SEPTIN11: variants seen among roughly 807,000 people sequenced by gnomAD.
SEPTIN11 encodes septin 11.
In SEPTIN11, 25 loss-of-function variants were observed where a neutral mutation model predicts 51.4. That is an observed-to-expected ratio of 0.49 (90% confidence interval 0.35 to 0.68). The LOEUF (loss-of-function observed/expected upper bound fraction) is 0.68, where lower values mean the gene tolerates loss of function less well. Ranked by LOEUF, SEPTIN11 falls within the 30% of genes least tolerant of loss-of-function variation. The pLI is 0.00. For missense variants in SEPTIN11, 381 were observed against 520.8 expected (o/e 0.73, Z 2.61); for synonymous variants, 174 against 184.1 (o/e 0.95, Z 0.44).
chr4:77,011,849 C>G lies in SEPTIN11; in HGVS notation c.453C>G (p.Leu151=). Reference sequence around the variant, plus strand: ...ATGACACGAGGATCCATGCCTGCCTCTACTTTATTGCCCCTACTGGACATT... The same window carrying G: ...ATGACACGAGGATCCATGCCTGCCTGTACTTTATTGCCCCTACTGGACATT... ...NYHDTRIHAC[L]YFIAPTGHSL... Residue 151 remains leucine (L), a synonymous_variant, in exon 4 of 10, where the codon CTC becomes CTG. Coordinates refer to ENST00000264893, the MANE Select transcript of SEPTIN11 (RefSeq NM_018243.4). 3.7e-6 allele frequency: 6 copies of G among 1,614,104 alleles called. No homozygotes were observed. The highest frequency in any genetic ancestry group is 5.1e-6 in the Non-Finnish European group (6 of 1,179,966).
intron 1 of SEPTIN11, among the ~76,000 whole-genome samples, chr4:76,954,727 C>T (rs559407483): frequency 3.9e-4 from 60 of 152,352 alleles, no homozygotes; most frequent in African/African-American, 1.4e-3. Flanking sequence ...ACCAGAGCCA[C>T]CTCTTTTTAG....
At chr4:76,967,297 A>G (rs1722073204) in intron 1 of SEPTIN11, among the ~76,000 whole-genome samples, 1 of 152,238 alleles carries the variant, frequency 6.6e-6, no homozygotes, top group Non-Finnish European at 1.5e-5. Context: ...AATGGTTTAT[A>G]CACAGTTTTG....
intron 5 of SEPTIN11, among the ~76,000 whole-genome samples, chr4:77,018,759 A>G (rs576173344): frequency 6.6e-6 from 1 of 152,376 alleles, no homozygotes; most frequent in Admixed American, 6.5e-5. Context: ...TTGCCAAAAC[A>G]ATAAAGTTGC....
Position 77,020,452 on chromosome 4 carries a change from A to C in SEPTIN11, c.785-50A>C, listed in dbSNP as rs376451491. ...TTGGAAGCATCACTGCAGATATTTC[A>C]GTGACATCATTGCTAATCCCACTTC... On this transcript the variant is annotated intron_variant, in intron 6 of 9. Transcript: ENST00000264893. 71 of 1,591,514 alleles carry C rather than the reference A, an allele frequency of 4.5e-5. No homozygotes were observed. In the African/African-American group the frequency reaches 8.4e-4, roughly 19 times the overall value.
intron 2 of SEPTIN11, among the ~76,000 whole-genome samples, chr4:77,003,018 A>T (rs1366402169): frequency 6.6e-6 from 1 of 152,206 alleles, no homozygotes; most frequent in Admixed American, 6.5e-5. Context: ...CTGTATTCCC[A>T]GCCTACATTC....
At chr4:77,020,836 T>C (rs1725668590) in intron 7 of SEPTIN11, 166 bp downstream of exon 7, 2 of 634,614 alleles carry the variant, frequency 3.2e-6, no homozygotes, top group South Asian at 2.1e-5. Context: ...TTTATTTGCA[T>C]TATCTCAACT....
intron 3 of SEPTIN11, among the ~76,000 whole-genome samples, chr4:77,011,264 G>C (rs539855429): frequency 1.8e-4 from 28 of 152,184 alleles, no homozygotes; most frequent in Non-Finnish European, 3.5e-4. Context: ...GTGGCAATCA[G>C]TAGGGAGAGG....
Position 77,036,859 on chromosome 4 carries a change from C to G in SEPTIN11, c.*2347C>G, listed in dbSNP as rs1727065315. The stretch of plus-strand genomic sequence containing the variant: ...GCATGTAAGTACGGTAGTAAGAAAC[C>G]TTTGAGATCTTTCTGACTTTTCAAA... On this transcript the variant is annotated 3_prime_UTR_variant, in exon 10 of 10. Transcript: ENST00000264893. The G allele has an allele frequency of 1.4e-6, 2 of 1,437,668 alleles. No individual in the cohort carries two copies. Among genetic ancestry groups the G allele is most frequent in the Admixed American group, 3.1e-5 (1 of 32,608 alleles). The allele number at this position is 1,437,668 out of a possible 1,614,324, so 89.1% of individuals were successfully genotyped here.
At chr4:77,017,700 G>A (rs1018985875) in intron 5 of SEPTIN11, among the ~76,000 whole-genome samples, 6 of 152,224 alleles carry the variant, frequency 3.9e-5, no homozygotes, top group Non-Finnish European at 8.8e-5. Flanking sequence ...TTCTTTCTCA[G>A]TGTATCTATG....
At chr4:77,030,520 T>C (rs1041817061) in intron 8 of SEPTIN11, among the ~76,000 whole-genome samples, 1 of 151,958 alleles carries the variant, frequency 6.6e-6, no homozygotes, top group Non-Finnish European at 1.5e-5. Context: ...CCTCAGCCTC[T>C]TGAGTAGCAG....
intron 1 of SEPTIN11, among the ~76,000 whole-genome samples, chr4:76,954,329 CT>C (rs1172890476): frequency 2.0e-5 from 3 of 152,196 alleles, no homozygotes; most frequent in African/African-American, 7.2e-5. Flanking sequence ...TGGGATCCAT[CT>C]TTCATAGTCT....
chr4:77,031,250 A>C, intron 9 of SEPTIN11: 4 of 323,026 alleles, frequency 1.2e-5, no homozygotes, highest in Non-Finnish European at 1.1e-5. Flanking sequence ...TAGGAGTCTC[A>C]AAGAAGACAG....
At chr4:77,004,506 G>A (rs1004424367) in intron 2 of SEPTIN11, among the ~76,000 whole-genome samples, 18 of 152,194 alleles carry the variant, frequency 1.2e-4, no homozygotes, top group African/African-American at 4.1e-4. Context: ...TCTTGGTTGA[G>A]TGCAGGTGTT....
At chr4:76,956,962 ATGTGTGTGTG>A (rs202035045) in intron 1 of SEPTIN11, among the ~76,000 whole-genome samples, 1,230 of 119,200 alleles carry the variant, frequency 0.01, 19 homozygotes, top group African/African-American at 0.039. Context: ...TAGTAGAATG[ATGTGTGTGTG>A]TGTGTGTGTG....
rs182200273 is a variant in SEPTIN11, at chr4:76,990,480, G to A, written c.28-5945G>A. Among the ~76,000 whole-genome samples the A allele has an allele frequency of 2.0e-3, 302 of 152,270 alleles. 2 individuals are homozygous for A. The highest frequency in any genetic ancestry group is 6.6e-3 in the African/African-American group (275 of 41,570). Reference sequence around the variant, plus strand: ...CCGTGGCCTGTCCGGAACTGGGCTGGCCAGCAGGAGGCGAGTGATGGGCTA... The same window carrying A: ...CCGTGGCCTGTCCGGAACTGGGCTGACCAGCAGGAGGCGAGTGATGGGCTA... On this transcript the variant is annotated intron_variant, in intron 1 of 9. Transcript: ENST00000264893.
chr4:76,957,009 A>T (rs1297753294), intron 1 of SEPTIN11, among the ~76,000 whole-genome samples: 6 of 47,438 alleles, frequency 1.3e-4, no homozygotes, highest in African/African-American at 1.4e-4. Flanking sequence ...AGAGAGAGAC[A>T]GAGACAGAGA....
intron 1 of SEPTIN11, among the ~76,000 whole-genome samples, chr4:76,974,226 G>T (rs764853856): frequency 1.3e-5 from 2 of 152,080 alleles, no homozygotes; most frequent in African/African-American, 4.8e-5. Context: ...CAGATGTCCC[G>T]TGACTCTTCC....
At position 77,018,371 on chromosome 4, in the gene SEPTIN11, C is replaced by T. The variant is rs182994889; in HGVS notation, c.688-794C>T. 2.9e-3 allele frequency among the ~76,000 whole-genome samples: 439 copies of T among 151,908 alleles called. 2 individuals carry two copies. Among genetic ancestry groups the T allele is most frequent in the Non-Finnish European group, 4.6e-3 (312 of 67,980 alleles). ...CGCTGAGGCAGGAGAATGGCGTGAA[C>T]CCGGAGGGCAGAGCTTGCAGTGAGC... On this transcript the variant is annotated intron_variant, in intron 5 of 9. Transcript: ENST00000264893.
intron 5 of SEPTIN11, among the ~76,000 whole-genome samples, chr4:77,016,633 C>CACAT (rs1375044162): frequency 0.012 from 863 of 72,720 alleles, 52 homozygotes; most frequent in Admixed American, 0.067. Context: ...TATATATACA[C>CACAT]ATATATATAT....
Sources: gnomAD v4.1 joint callset for allele counts (sites outside exome capture counted in the v4.1 genomes callset) on GRCh38, gnomAD v4.1.1 for gene constraint, MANE v1.5 for transcripts, NCBI Gene and HGNC (gene_info 2026-07-23, HGNC 2026-07-21) for gene names.